The following ASPSCR1 variants were observed in gnomAD, a reference collection of about 807,000 sequenced individuals.
ASPSCR1 encodes ASPSCR1 tether for SLC2A4, UBX domain containing.
Under a neutral mutation model 68.9 loss-of-function variants are expected in ASPSCR1, and 55 were observed. The ratio of observed to expected loss-of-function variants is 0.80; its 90% confidence interval spans 0.64 to 1.00. The LOEUF is 1.00. ASPSCR1 is among the 50% of genes least tolerant of loss of function. ASPSCR1 has a pLI of 0.00. For missense variants in ASPSCR1, 765 were observed against 762.2 expected (o/e 1.00, Z -0.04); for synonymous variants, 352 against 332.6 (o/e 1.06, Z -0.63).
intron 12 of ASPSCR1, chr17:82,015,034 C>T (rs1447284080): frequency 6.4e-7 from 1 of 1,557,974 alleles, no homozygotes; most frequent in Non-Finnish European, 8.6e-7. Flanking sequence ...CCGGGCCCTG[C>T]TCTGGCTGGG....
At chr17:81,998,035 C>T (rs2144050332) in intron 7 of ASPSCR1, among the ~76,000 whole-genome samples, 1 of 150,568 alleles carries the variant, frequency 6.6e-6, no homozygotes, top group African/African-American at 2.4e-5. Context: ...CCATGTTGGC[C>T]AGGCTGGTCT....
At chr17:82,003,309 G>A (rs572196807) in intron 7 of ASPSCR1, among the ~76,000 whole-genome samples, 53 of 152,322 alleles carry the variant, frequency 3.5e-4, no homozygotes, top group Admixed American at 1.2e-3. Context: ...TTAGTAGGGC[G>A]TGATGGTGTG....
chr17:81,984,218 C>T (rs1015929929), intron 3 of ASPSCR1, among the ~76,000 whole-genome samples: 1 of 152,150 alleles, frequency 6.6e-6, no homozygotes, highest in African/African-American at 2.4e-5. Context: ...TTCCCTGGCT[C>T]AGGGTGTCAG....
chr17:81,980,828 A>G (rs2143989519), intron 2 of ASPSCR1, among the ~76,000 whole-genome samples: 1 of 152,296 alleles, frequency 6.6e-6, no homozygotes. Context: ...AAAAAATGGC[A>G]GTGCCAGCAT....
At position 81,987,116 on chromosome 17, in the gene ASPSCR1, G is replaced by A. The variant is rs910975196; in HGVS notation, c.374+1509G>A. 1.3e-5 allele frequency among the ~76,000 whole-genome samples: 2 copies of A among 149,944 alleles called. No homozygotes were observed. The highest frequency in any genetic ancestry group is 6.6e-5 in the Admixed American group (1 of 15,150). On this transcript the variant is annotated intron_variant, in intron 4 of 15. Transcript: ENST00000306739. The surrounding 1 kb of genome is among the most constrained non-coding windows in gnomAD (Gnocchi z 5.6). ...AGCGAAGCCACGGGCAGGGGTGAGCGGGACCCGAGGCAGGAGGTGACAGAG... is the reference window on the plus strand; with the variant it reads ...AGCGAAGCCACGGGCAGGGGTGAGCAGGACCCGAGGCAGGAGGTGACAGAG...
intron 4 of ASPSCR1, among the ~76,000 whole-genome samples, chr17:81,988,804 G>T (rs1006161021): frequency 1.3e-5 from 2 of 152,176 alleles, no homozygotes; most frequent in Admixed American, 6.5e-5. Flanking sequence ...GGCATCCCGG[G>T]CAGGGTTGCA....
intron 7 of ASPSCR1, 29 bp from the exon 8 acceptor site, chr17:82,009,008 C>G (rs951082415): frequency 6.8e-7 from 1 of 1,476,302 alleles, no homozygotes; most frequent in Non-Finnish European, 9.0e-7. Flanking sequence ...CCCGTGACAC[C>G]CGCCGTCAGC....
rs766689980 is a variant in ASPSCR1 at position 81,990,835 on chromosome 17, G to T, written c.375-3986G>T. 6.6e-6 allele frequency among the ~76,000 whole-genome samples: 1 copy of T among 152,152 alleles called. No individual in the cohort carries two copies. Among genetic ancestry groups the T allele is most frequent in the Non-Finnish European group, 1.5e-5 (1 of 68,016 alleles). ...TCCTATGAGGAGTTTCTCTCCATGG[G>T]TTTAGAGCCAGCAGGCACTAGCCCC... On this transcript the variant is annotated intron_variant, in intron 4 of 15. Coordinates refer to ENST00000306739, the MANE Select transcript of ASPSCR1 (RefSeq NM_024083.4). This position sits in a 1 kb window ranked among gnomAD's most constrained non-coding sequence, Gnocchi z 4.1.
At chr17:81,979,702 ATT>A (rs2041732836) in intron 2 of ASPSCR1, among the ~76,000 whole-genome samples, 1 of 152,098 alleles carries the variant, frequency 6.6e-6, no homozygotes, top group Admixed American at 6.5e-5. Flanking sequence ...GTTTTATTGC[ATT>A]GAGTTGCATA....
At chr17:81,989,891 A>G (rs2042106533) in intron 4 of ASPSCR1, among the ~76,000 whole-genome samples, 1 of 152,136 alleles carries the variant, frequency 6.6e-6, no homozygotes, top group Non-Finnish European at 1.5e-5. Context: ...GGGTTCAAGC[A>G]ATTCTCCTGC....
At chr17:82,017,156 A>G in intron 15 of ASPSCR1, 43 bp downstream of exon 15, 1 of 1,554,078 alleles carries the variant, frequency 6.4e-7, no homozygotes, top group Non-Finnish European at 8.7e-7. Context: ...GGCCGGGTGG[A>G]GGGCGGGGGT....
chr17:81,985,756 T>C (rs937030038), intron 4 of ASPSCR1, 149 bp downstream of exon 4: 6 of 715,732 alleles, frequency 8.4e-6, no homozygotes, highest in Middle Eastern at 4.1e-4. Context: ...AGAGGAGGGG[T>C]GTGTGGGCTG....
At chr17:81,997,519 C>T (rs1048268395) in intron 7 of ASPSCR1, among the ~76,000 whole-genome samples, 1 of 137,380 alleles carries the variant, frequency 7.3e-6, no homozygotes, top group African/African-American at 2.7e-5. Context: ...GACAGAGTCT[C>T]ACTGTGTCCC....
At chr17:81,995,851 G>A in intron 5 of ASPSCR1, 141 bp from the exon 6 acceptor site, 2 of 794,010 alleles carry the variant, frequency 2.5e-6, no homozygotes. Flanking sequence ...GACCGGCAGG[G>A]GCCAGATGTG....
intron 12 of ASPSCR1, chr17:82,013,380 G>A (rs975793229): frequency 6.6e-6 from 1 of 152,290 alleles, no homozygotes; most frequent in Non-Finnish European, 1.5e-5. Flanking sequence ...CTGCTGCCCT[G>A]TTTCTGGGGA....
At chr17:81,994,632 T>C (rs1471415865) in intron 4 of ASPSCR1, among the ~76,000 whole-genome samples, 189 bp from the exon 5 acceptor site, 1 of 152,140 alleles carries the variant, frequency 6.6e-6, no homozygotes, top group Non-Finnish European at 1.5e-5. Context: ...GTCAGGTGCC[T>C]CCTTTTGGTG....
At chr17:81,982,719 T>G (rs1164708444) in intron 2 of ASPSCR1, 1 of 147,318 alleles carries the variant, frequency 6.8e-6, no homozygotes, top group East Asian at 1.9e-4. Context: ...TTTCTTTTCT[T>G]TTCTTTCTTT....
rs542204616 is a variant in ASPSCR1, at chr17:81,983,910, C to T, written c.273+242C>T. Among the ~76,000 whole-genome samples the T allele has an allele frequency of 4.6e-5, 7 of 151,112 alleles. No individual in the cohort carries two copies. The highest frequency in any genetic ancestry group is 1.7e-4 in the African/African-American group (7 of 41,012). ...TCTCGCTCTGTCGCCCAGGCTGGAG[C>T]TCAGTGGCGCAGTCTCGGCTCACTT... is the stretch of plus-strand genomic sequence containing the variant. On this transcript the variant is annotated intron_variant, in intron 3 of 15. Coordinates refer to ENST00000306739, the MANE Select transcript of ASPSCR1 (RefSeq NM_024083.4). The surrounding 1 kb of genome is among the most constrained non-coding windows in gnomAD (Gnocchi z 4.4).
At chr17:82,010,962 C>T (rs1267756499) in intron 10 of ASPSCR1, 94 bp downstream of exon 10, 1 of 1,461,038 alleles carries the variant, frequency 6.8e-7, no homozygotes, top group Admixed American at 1.8e-5. Context: ...CTGCAGCCAC[C>T]TGGCCTGCGG....
Sources: gnomAD v4.1 joint callset for allele counts (sites outside exome capture counted in the v4.1 genomes callset) on GRCh38, gnomAD v4.1.1 for gene constraint, Gnocchi (gnomAD v3.1) non-coding constraint, MANE v1.5 for transcripts, NCBI Gene and HGNC (gene_info 2026-07-23, HGNC 2026-07-21) for gene names.